Variants in DDX17 observed in about 807,000 individuals in gnomAD.
DDX17 encodes probable ATP-dependent RNA helicase DDX17.
DDX17 carries 10 observed loss-of-function variants against 80.8 expected under a neutral mutation model. That is an observed-to-expected ratio of 0.12 (90% CI 0.08 to 0.21). The LOEUF is 0.21. Among genes scored for constraint, DDX17 ranks in the 10% least tolerant of loss-of-function variants. The pLI, the probability that DDX17 is intolerant of heterozygous loss-of-function variation, is 1.00. For synonymous variants in DDX17, 339 were observed against 336.2 expected (o/e 1.01, Z -0.09); for missense variants, 586 against 957.4 (o/e 0.61, Z 5.12).
In DDX17 at chr22:38,506,047, C is replaced by T. The variant is rs199687612; in HGVS notation, c.191G>A (p.Ser64Asn). ...TGGGAGCGGGGCACGGATGGCCGGG[C>T]TCGGGAGGGCCTGCGGCTCCGGTCT... The change falls in exon 1 of 13, where the codon AGC becomes AAC. Residue 64 changes from serine to asparagine, a missense_variant. Transcript: ENST00000403230. 6.3e-7 allele frequency: 1 copy of T among 1,585,698 alleles called. No individual in the cohort carries two copies. The highest frequency in any genetic ancestry group is 8.6e-7 in the Non-Finnish European group (1 of 1,166,908).
chr22:38,493,476 C>CA, intron 10 of DDX17: 1 of 467,696 alleles, frequency 2.1e-6, no homozygotes, highest in East Asian at 3.6e-5. Context: ...CATGAGCCAC[C>CA]AACGGTGCCC....
At chr22:38,499,969 A>G (rs896193504) in intron 2 of DDX17, among the ~76,000 whole-genome samples, 6 of 151,656 alleles carry the variant, frequency 4.0e-5, no homozygotes, top group Non-Finnish European at 4.4e-5. Context: ...GTTTGAGACC[A>G]GCCTGGCCAA....
chr22:38,484,178 GCA>G lies in DDX17; in HGVS notation c.*1755_*1756del, dbSNP rs1017417628. On this transcript the variant is annotated 3_prime_UTR_variant, in exon 13 of 13. Transcript: ENST00000403230. Reference sequence around the variant, plus strand: ...TTGGGGGGAACACTTTGGTTTGAAAGCACAGAGCAGTTTGCCATGTTTCTTCT... The same window carrying G: ...TTGGGGGGAACACTTTGGTTTGAAAGCAGAGCAGTTTGCCATGTTTCTTCT... 1 of 150,448 alleles carries G rather than the reference GCA, an allele frequency of 6.6e-6. No homozygotes were observed. Among genetic ancestry groups the G allele is most frequent in the African/African-American group, 2.5e-5 (1 of 40,808 alleles). 9.3% of individuals were successfully genotyped at this position (150,448 alleles called of 1,614,324 possible).
chr22:38,501,301 T>C, intron 1 of DDX17, 21 bp from the exon 2 acceptor site: 1 of 1,599,792 alleles, frequency 6.3e-7, no homozygotes, highest in South Asian at 1.1e-5. Flanking sequence ...AATTTTTAGT[T>C]AGTTCATCAG....
At chr22:38,498,968 C>T (rs1569141808) in intron 3 of DDX17, among the ~76,000 whole-genome samples, 2 of 152,110 alleles carry the variant, frequency 1.3e-5, no homozygotes, top group Non-Finnish European at 1.5e-5. Flanking sequence ...GCTGAGATCG[C>T]GCCACTGCAC....
At chr22:38,503,515 G>GA (rs1194372338) in intron 1 of DDX17, among the ~76,000 whole-genome samples, 1 of 152,028 alleles carries the variant, frequency 6.6e-6, no homozygotes, top group African/African-American at 2.4e-5. Context: ...GTGGTTCTTG[G>GA]AAAATATGCC....
At chr22:38,487,054 G>C (rs2089666795) in intron 12 of DDX17, among the ~76,000 whole-genome samples, 1 of 152,180 alleles carries the variant, frequency 6.6e-6, no homozygotes, top group African/African-American at 2.4e-5. Context: ...TGTAGTACCA[G>C]CTACTTGGGA....
intron 11 of DDX17, 67 bp downstream of exon 11, chr22:38,491,989 T>G (rs754644978): frequency 8.5e-7 from 1 of 1,175,932 alleles, no homozygotes; most frequent in Non-Finnish European, 1.2e-6. Flanking sequence ...AAGTCTGAAT[T>G]TGAAATGACG....
At chr22:38,504,648 A>G (rs746483068) in intron 1 of DDX17, among the ~76,000 whole-genome samples, 10 of 152,224 alleles carry the variant, frequency 6.6e-5, no homozygotes, top group Non-Finnish European at 1.2e-4. Flanking sequence ...AATTTTGTAA[A>G]AAGTGGCAAC....
At chr22:38,494,334 G>GT (rs2089740660) in intron 8 of DDX17, 1 of 591,186 alleles carries the variant, frequency 1.7e-6, no homozygotes, top group Non-Finnish European at 2.9e-6. Context: ...CAAGTCTCAT[G>GT]TAAGTGGTAT....
intron 10 of DDX17, 25 bp from the exon 11 acceptor site, chr22:38,492,140 A>AT: frequency 6.3e-7 from 1 of 1,591,922 alleles, no homozygotes. Flanking sequence ...AATAATCATC[A>AT]TCAAATAAGC....
At chr22:38,503,925 T>C (rs549785124) in intron 1 of DDX17, among the ~76,000 whole-genome samples, 1 of 152,242 alleles carries the variant, frequency 6.6e-6, no homozygotes, top group South Asian at 2.1e-4. Flanking sequence ...ACAGATCTTA[T>C]GAAAGAAGGC....
At position 38,498,550 on chromosome 22, in the gene DDX17, C is replaced by T; in HGVS notation, c.562G>A (p.Asp188Asn). 6.2e-7 allele frequency: 1 copy of T among 1,614,096 alleles called. No individual in the cohort carries two copies. The highest frequency in any genetic ancestry group is 8.5e-7 in the Non-Finnish European group (1 of 1,179,988). ...GGAGTTGGTTCTGTAAAGTGCTGATCCATCAACACATCCATTACATATTCT... is the reference window on the plus strand; with the variant it reads ...GGAGTTGGTTCTGTAAAGTGCTGATTCATCAACACATCCATTACATATTCT... Residue 188 changes from aspartate to asparagine, a missense_variant, in exon 4 of 13, where the codon GAT (aspartate) becomes AAT (asparagine). By Grantham distance (23) the Asp-to-Asn change is conservative. Around this residue, in one of 4 missense-constraint regions of DDX17, gnomAD observed 141 missense variants for 379.3 expected, o/e 0.37. Transcript: ENST00000403230.
At chr22:38,500,283 CAA>C (rs953936098) in intron 2 of DDX17, among the ~76,000 whole-genome samples, 4 of 151,850 alleles carry the variant, frequency 2.6e-5, no homozygotes, top group Non-Finnish European at 5.9e-5. Context: ...GCATTATCAA[CAA>C]GAGAACAAAT....
rs367811937 is a variant in DDX17 at position 38,494,013 on chromosome 22, A to G, written c.1325+8T>C. On this transcript the variant is annotated splice_region_variant and intron_variant, in intron 9 of 12. Transcript: ENST00000403230. Reference sequence around the variant, plus strand: ...ACCAGAGGTTAATTGCCTTGGTGCTATACTCACCCATCTCTGCGCATCCTT... The same window carrying G: ...ACCAGAGGTTAATTGCCTTGGTGCTGTACTCACCCATCTCTGCGCATCCTT... The G allele has an allele frequency of 9.0e-5, 144 of 1,604,154 alleles. No homozygotes were observed. Among genetic ancestry groups the G allele is most frequent in the Non-Finnish European group, 1.1e-4 (131 of 1,171,808 alleles).
At position 38,492,100 on chromosome 22, in the gene DDX17, T is replaced by G; in HGVS notation, c.1403A>C (p.Lys468Thr). The G allele has an allele frequency of 1.2e-6, 2 of 1,611,464 alleles. No individual in the cohort carries two copies. Among genetic ancestry groups the G allele is most frequent in the Non-Finnish European group, 1.7e-6 (2 of 1,178,912 alleles). Reference sequence around the variant, plus strand: ...ATCTGTAGCAATAAGGATGGGTGCCTTTCCAGAACGGAACTCTGTAAAAAC... The same window carrying G: ...ATCTGTAGCAATAAGGATGGGTGCCGTTCCAGAACGGAACTCTGTAAAAAC... Residue 468 changes from lysine to threonine, a missense_variant, in exon 11 of 13, where the codon AAG becomes ACG. Around this residue, in one of 4 missense-constraint regions of DDX17, gnomAD observed 141 missense variants for 379.3 expected, o/e 0.37. Transcript: ENST00000403230.
At position 38,492,133 on chromosome 22, in the gene DDX17, AATC is replaced by A. The variant is rs568755488; in HGVS notation, c.1388-21_1388-19del. On this transcript the variant is annotated intron_variant, in intron 10 of 12. Transcript: ENST00000403230. ...ACGGAACTCTGTAAAAACAAACAAT[AATC>A]ATCATCAAATAAGCATTCCTTGCTA... The A allele has an allele frequency of 1.2e-4, 191 of 1,599,532 alleles. No individual in the cohort carries two copies. In the African/African-American group the frequency reaches 2.4e-3, roughly 20 times the overall value.
At chr22:38,503,275 G>A (rs1157607950) in intron 1 of DDX17, among the ~76,000 whole-genome samples, 3 of 152,180 alleles carry the variant, frequency 2.0e-5, no homozygotes, top group Non-Finnish European at 4.4e-5. Flanking sequence ...GAGGTAGAAA[G>A]TCTTTGGATT....
At chr22:38,495,997 AAAG>A (rs375460034) in intron 5 of DDX17, 60 bp from the exon 6 acceptor site, 196 of 1,376,186 alleles carry the variant, frequency 1.4e-4, no homozygotes, top group Non-Finnish European at 1.6e-4. Flanking sequence ...AAAAAAAAAA[AAAG>A]AAGAAACAAA....
Sources: allele counts gnomAD v4.1 joint callset (sites outside exome capture counted in the v4.1 genomes callset), GRCh38; gene constraint gnomAD v4.1.1; regional missense constraint gnomAD v4.1.1; transcripts MANE v1.5; gene names NCBI Gene and HGNC (gene_info 2026-07-23, HGNC 2026-07-21).